Variants in BANK1 observed in about 807,000 individuals in gnomAD.
BANK1 encodes B-cell scaffold protein with ankyrin repeats.
A neutral mutation model predicts 94.5 loss-of-function variants in BANK1; 95 were observed. The observed-to-expected ratio is 1.00, with a 90% CI of 0.85 to 1.19. BANK1 has a LOEUF of 1.19. BANK1 is among the 50% of genes most tolerant of loss of function. The pLI is 0.00. For synonymous variants in BANK1, 334 were observed against 308.4 expected, an observed-to-expected ratio of 1.08 and a Z score of -0.87; for missense variants, 987 against 932.2, an observed-to-expected ratio of 1.06 and a Z score of -0.77.
intron 2 of BANK1, among the ~76,000 whole-genome samples, chr4:101,847,044 T>C (rs2148870343): frequency 6.6e-6 from 1 of 152,264 alleles, no homozygotes; most frequent in South Asian, 2.1e-4. Flanking sequence ...ATCGTTTGCC[T>C]CCCCTCATTA....
intron 1 of BANK1, among the ~76,000 whole-genome samples, chr4:101,811,293 T>C (rs144408108): frequency 6.5e-4 from 99 of 152,324 alleles, no homozygotes; most frequent in African/African-American, 2.3e-3. Context: ...CACTTTATTT[T>C]AATATCTTAG....
rs748227824 is a variant in BANK1, at chr4:101,860,287, G to A, written c.625-2239G>A. Among the ~76,000 whole-genome samples, 11 of 152,098 alleles carry A rather than the reference G, an allele frequency of 7.2e-5. No homozygotes were observed. In the South Asian group the frequency reaches 1.0e-3, roughly 14 times the overall value. On this transcript the variant is annotated intron_variant, in intron 3 of 16. Coordinates refer to ENST00000322953, the MANE Select transcript of BANK1 (RefSeq NM_017935.5). The stretch of plus-strand genomic sequence containing the variant: ...TTCTAAGTGTGGGGCCCTGTGTGAC[G>A]GTAAGGTCATGGGCCCATGAAGCTG...
intron 5 of BANK1, among the ~76,000 whole-genome samples, chr4:101,882,337 A>G (rs1010478132): frequency 1.3e-5 from 2 of 152,204 alleles, no homozygotes; most frequent in East Asian, 1.9e-4. Context: ...GATGCTTAAG[A>G]AAGTGTTGAA....
At chr4:102,016,358 A>C (rs770431872) in intron 7 of BANK1, among the ~76,000 whole-genome samples, 3 of 152,168 alleles carry the variant, frequency 2.0e-5, no homozygotes, top group Non-Finnish European at 4.4e-5. Context: ...TGTTTTGTGC[A>C]TGTGACCTCC....
intron 7 of BANK1, among the ~76,000 whole-genome samples, chr4:101,993,164 G>C (rs1468385371): frequency 6.6e-6 from 1 of 152,136 alleles, no homozygotes; most frequent in East Asian, 1.9e-4. Flanking sequence ...ATTCTGTACT[G>C]GACCTGCCTA....
Position 101,790,734 on chromosome 4 carries a change from C to G in BANK1, c.-147C>G. ...AGCCCCGGGGCTGCGTTTCCTGAGACCTGGCCGCAGCCTCCGCGGGTGGCA... is the reference window on the plus strand; with the variant it reads ...AGCCCCGGGGCTGCGTTTCCTGAGAGCTGGCCGCAGCCTCCGCGGGTGGCA... On this transcript the variant is annotated 5_prime_UTR_variant, in exon 1 of 17. Coordinates refer to ENST00000322953, the MANE Select transcript of BANK1 (RefSeq NM_017935.5). The G allele has an allele frequency of 1.2e-6, 1 of 867,886 alleles. No homozygotes were observed. Among genetic ancestry groups the G allele is most frequent in the African/African-American group, 1.7e-5 (1 of 59,222 alleles). The allele number at this position is 867,886 out of a possible 1,614,324, so 53.8% of individuals were successfully genotyped here.
At chr4:101,840,604 C>T (rs138444117) in intron 2 of BANK1, among the ~76,000 whole-genome samples, 135 of 152,302 alleles carry the variant, frequency 8.9e-4, no homozygotes, top group Non-Finnish European at 1.3e-3. Flanking sequence ...CTAAGCCCAT[C>T]CCTTTATTTC....
rs185417120 is a variant in BANK1, at chr4:101,932,822, C to T, written c.1206+14633C>T. 7.2e-4 allele frequency among the ~76,000 whole-genome samples: 109 copies of T among 151,592 alleles called. No homozygotes were observed. The Middle Eastern group carries it at 0.01, about 14-fold the overall frequency. ...CAACCTCTCACAGATAGATTAAAAA[C>T]AAAACAATAGATTTTGTGCATGGGT... On this transcript the variant is annotated intron_variant, in intron 7 of 16. Transcript: ENST00000322953.
chr4:101,893,763 A>C (rs1721963578), intron 5 of BANK1, among the ~76,000 whole-genome samples: 1 of 152,120 alleles, frequency 6.6e-6, no homozygotes, highest in South Asian at 2.1e-4. Flanking sequence ...TAATTATGCT[A>C]AAACCTAAAT....
intron 1 of BANK1, among the ~76,000 whole-genome samples, chr4:101,807,317 A>C (rs761558034): frequency 6.6e-6 from 1 of 152,206 alleles, no homozygotes; most frequent in Non-Finnish European, 1.5e-5. Context: ...CTACTGCCAT[A>C]AGTAGAAGGT....
chr4:101,799,498 C>A (rs1469633072), intron 1 of BANK1, among the ~76,000 whole-genome samples: 1 of 152,182 alleles, frequency 6.6e-6, no homozygotes, highest in Non-Finnish European at 1.5e-5. Flanking sequence ...AAGACACATG[C>A]ACACGTATGT....
chr4:102,006,403 A>G (rs1390848251), intron 7 of BANK1, among the ~76,000 whole-genome samples: 2 of 152,114 alleles, frequency 1.3e-5, no homozygotes, highest in East Asian at 3.9e-4. Flanking sequence ...GGGAATAGGT[A>G]GTTTATAAAA....
At chr4:101,840,949 C>G (rs1266370738) in intron 2 of BANK1, among the ~76,000 whole-genome samples, 4 of 152,176 alleles carry the variant, frequency 2.6e-5, no homozygotes, top group Non-Finnish European at 5.9e-5. Context: ...ACCTCAGCCT[C>G]CCAAGTAGCT....
intron 6 of BANK1, among the ~76,000 whole-genome samples, chr4:101,896,095 G>A (rs1194506268): frequency 6.6e-6 from 1 of 151,734 alleles, no homozygotes; most frequent in Non-Finnish European, 1.5e-5. Context: ...TTATATATGT[G>A]GTTAAAAATA....
chr4:102,062,277 A>C (rs1259400105), intron 12 of BANK1: 3 of 152,194 alleles, frequency 2.0e-5, no homozygotes, highest in Non-Finnish European at 4.4e-5. Context: ...CCTGGCGTTG[A>C]AGATGAAATG....
intron 5 of BANK1, among the ~76,000 whole-genome samples, chr4:101,887,092 A>G (rs1482656445): frequency 6.6e-6 from 1 of 152,188 alleles, no homozygotes. Flanking sequence ...GGGTGGAGTC[A>G]TGCTCTCTCC....
At position 101,970,466 on chromosome 4, in the gene BANK1, C is replaced by A. The variant is rs535163813; in HGVS notation, c.1207-51048C>A. ...AATCCCCAATTTCTTTCATCAATTTCTTTCATTTTATTCTGTCTTTGTCCT... is the reference window on the plus strand; with the variant it reads ...AATCCCCAATTTCTTTCATCAATTTATTTCATTTTATTCTGTCTTTGTCCT... On this transcript the variant is annotated intron_variant, in intron 7 of 16. Coordinates refer to ENST00000322953, the MANE Select transcript of BANK1 (RefSeq NM_017935.5). 2.6e-5 allele frequency among the ~76,000 whole-genome samples: 4 copies of A among 152,202 alleles called. No individual in the cohort carries two copies. In the South Asian group the frequency reaches 6.2e-4, roughly 24 times the overall value.
chr4:102,046,812 G>A (rs531315667), intron 11 of BANK1, among the ~76,000 whole-genome samples: 7 of 152,194 alleles, frequency 4.6e-5, no homozygotes, highest in African/African-American at 1.4e-4. Flanking sequence ...AGCAGATCAT[G>A]TATTATGATT....
chr4:102,036,945 C>T (rs982078579), intron 10 of BANK1: 3 of 152,156 alleles, frequency 2.0e-5, no homozygotes, highest in Non-Finnish European at 4.4e-5. Flanking sequence ...TCAGCTGTAG[C>T]GTGAACTGAC....
Sources: gnomAD v4.1 joint callset for allele counts (sites outside exome capture counted in the v4.1 genomes callset) on GRCh38, gnomAD v4.1.1 for gene constraint, MANE v1.5 for transcripts, NCBI Gene and HGNC (gene_info 2026-07-23, HGNC 2026-07-21) for gene names.